Variants in NUP54 observed in about 807,000 individuals in gnomAD.
NUP54 encodes the protein nucleoporin p54.
NUP54 carries 27 observed loss-of-function variants against 66.4 expected under a neutral mutation model. The ratio of observed to expected loss-of-function variants is 0.41; its 90% CI spans 0.30 to 0.56. The LOEUF (loss-of-function observed/expected upper bound fraction) is 0.56. Ranked by LOEUF, NUP54 falls within the 20% of genes least tolerant of loss-of-function variation. NUP54 has a pLI of 0.34. For synonymous variants in NUP54, 206 were observed against 210.7 expected, an observed-to-expected ratio of 0.98 and a Z score of 0.19; for missense variants, 486 against 596.3, an observed-to-expected ratio of 0.82 and a Z score of 1.93.
chr4:76,142,677 T>C (rs750213091), intron 3 of NUP54, among the ~76,000 whole-genome samples: 2 of 152,168 alleles, frequency 1.3e-5, no homozygotes, highest in Non-Finnish European at 2.9e-5. Context: ...TACCACCTAG[T>C]AAGGATGGTT....
intron 1 of NUP54, among the ~76,000 whole-genome samples, chr4:76,146,368 A>G (rs1043179450): frequency 3.9e-5 from 6 of 152,218 alleles, no homozygotes; most frequent in African/African-American, 1.2e-4. Context: ...TGTTTTACCC[A>G]GTGCCAATTT....
rs781147108 is a variant in NUP54 at position 76,132,691 on chromosome 4, G to T, written c.739C>A (p.Arg247Ser). The change falls in exon 6 of 12, where the codon CGT (arginine) becomes AGT (serine). Residue 247 changes from arginine to serine, a missense_variant. Physicochemically the swap from Arg to Ser is moderately radical, Grantham distance 110. Around this residue, in one of 4 missense-constraint regions of NUP54, gnomAD observed 217 missense variants for 247.9 expected, o/e 0.88. Coordinates refer to ENST00000264883, the MANE Select transcript of NUP54 (RefSeq NM_017426.4). ...QTEVVIYVVE[R>S]SPNGTSRRVP... is the part of the protein sequence containing the mutation. ...CTTCTTGAAGTACCATTTGGCGAAC[G>T]CTCAACAACATAAATAACAACTTCT... 6.2e-7 allele frequency: 1 copy of T among 1,613,112 alleles called. No homozygotes were observed. The highest frequency in any genetic ancestry group is 2.2e-5 in the East Asian group (1 of 44,848).
chr4:76,127,380 C>T (rs566165874), intron 8 of NUP54, among the ~76,000 whole-genome samples: 27 of 137,050 alleles, frequency 2.0e-4, no homozygotes, highest in Admixed American at 4.1e-4. Context: ...TGCAGTGAGC[C>T]GAGATTGCGC....
chr4:76,130,911 T>C (rs1351290458), intron 7 of NUP54, 162 bp from the exon 8 acceptor site: 12 of 614,640 alleles, frequency 2.0e-5, no homozygotes, highest in Non-Finnish European at 3.2e-5. Context: ...AGAGATTTTA[T>C]TCAACCTCCC....
chr4:76,138,329 TG>T (rs5859496), intron 3 of NUP54, among the ~76,000 whole-genome samples: 19,989 of 152,164 alleles, frequency 0.13, 1,530 homozygotes, highest in East Asian at 0.34. Flanking sequence ...CCCATGCTGT[TG>T]ATTATTCCTT....
At chr4:76,125,294 C>T (rs1730422571) in intron 8 of NUP54, among the ~76,000 whole-genome samples, 3 of 114,494 alleles carry the variant, frequency 2.6e-5, no homozygotes, top group Admixed American at 1.7e-4. Flanking sequence ...AAACAAAAAA[C>T]AAAAAACAGA....
intron 1 of NUP54, among the ~76,000 whole-genome samples, chr4:76,145,102 A>C (rs1731430669): frequency 6.6e-6 from 1 of 151,922 alleles, no homozygotes; most frequent in Non-Finnish European, 1.5e-5. Flanking sequence ...GTGGATCACA[A>C]GGTCAGGAGA....
intron 9 of NUP54, among the ~76,000 whole-genome samples, chr4:76,122,412 G>C (rs1156610571): frequency 6.6e-6 from 1 of 152,104 alleles, no homozygotes; most frequent in Non-Finnish European, 1.5e-5. Context: ...GCCCCTTGTA[G>C]TCACACTTCT....
intron 3 of NUP54, among the ~76,000 whole-genome samples, chr4:76,137,483 G>A (rs1731085566): frequency 6.6e-6 from 1 of 152,128 alleles, no homozygotes; most frequent in South Asian, 2.1e-4. Context: ...AATACAAATT[G>A]GGGGATACAA....
chr4:76,145,756 T>G, intron 1 of NUP54: 1 of 276,468 alleles, frequency 3.6e-6, no homozygotes, highest in South Asian at 3.2e-5. Flanking sequence ...GAATCTTCCT[T>G]TAATCTCATT....
chr4:76,122,434 C>T (rs1696348393), intron 9 of NUP54, among the ~76,000 whole-genome samples: 1 of 152,196 alleles, frequency 6.6e-6, no homozygotes, highest in South Asian at 2.1e-4. Flanking sequence ...TCTTCATCTA[C>T]AGTCCCTGGC....
chr4:76,136,065 A>T, intron 4 of NUP54, 121 bp downstream of exon 4: 2 of 695,368 alleles, frequency 2.9e-6, no homozygotes, highest in Non-Finnish European at 4.8e-6. Context: ...TCAAAATAAA[A>T]GTATAATCAT....
At chr4:76,118,452 CA>C in intron 9 of NUP54, 2 of 374,628 alleles carry the variant, frequency 5.3e-6, no homozygotes, top group South Asian at 2.5e-5. Flanking sequence ...GTGGCGTAAA[CA>C]CAGCTCACTC....
At chr4:76,144,514 GTATA>G (rs1578697557) in intron 1 of NUP54, 41 bp from the exon 2 acceptor site, 1 of 1,469,356 alleles carries the variant, frequency 6.8e-7, no homozygotes, top group Non-Finnish European at 9.2e-7. Flanking sequence ...AGAATCTTTT[GTATA>G]TATAAAGGCA....
intron 9 of NUP54, among the ~76,000 whole-genome samples, chr4:76,120,207 A>T (rs1251910169): frequency 6.6e-6 from 1 of 152,166 alleles, no homozygotes; most frequent in Non-Finnish European, 1.5e-5. Context: ...ATTTTGGTGC[A>T]TATATCTATT....
intron 4 of NUP54, 132 bp from the exon 5 acceptor site, chr4:76,134,494 C>A: frequency 4.0e-6 from 3 of 758,734 alleles, no homozygotes; most frequent in African/African-American, 1.8e-5. Flanking sequence ...AATAATGATT[C>A]TTCCCACCAT....
chr4:76,137,609 A>C (rs771100012), intron 3 of NUP54, among the ~76,000 whole-genome samples: 1 of 151,798 alleles, frequency 6.6e-6, no homozygotes, highest in Non-Finnish European at 1.5e-5. Context: ...TTCTAGGCTA[A>C]AACTTTAGAT....
chr4:76,141,397 T>G (rs4267762), intron 3 of NUP54, among the ~76,000 whole-genome samples: 1 of 152,122 alleles, frequency 6.6e-6, no homozygotes, highest in Non-Finnish European at 1.5e-5. Context: ...TTCATAAATA[T>G]ATACAACTAC....
chr4:76,130,226 C>T (rs541402597), intron 8 of NUP54, among the ~76,000 whole-genome samples: 1 of 151,666 alleles, frequency 6.6e-6, no homozygotes, highest in Non-Finnish European at 1.5e-5. Flanking sequence ...AAGTGATCCA[C>T]CCACCCTGGT....
Sources: gnomAD v4.1 joint callset for allele counts (sites outside exome capture counted in the v4.1 genomes callset) on GRCh38, gnomAD v4.1.1 for gene constraint, gnomAD v4.1.1 regional missense constraint, MANE v1.5 for transcripts, NCBI Gene and HGNC (gene_info 2026-07-23, HGNC 2026-07-21) for gene names.